ANO3: variants seen among roughly 807,000 people sequenced by gnomAD.
The protein encoded by ANO3 is anoctamin 3.
ANO3 carries 99 observed loss-of-function variants against 144.8 expected under a neutral mutation model. That is an observed-to-expected ratio of 0.68 (90% CI 0.58 to 0.81). The LOEUF (loss-of-function observed/expected upper bound fraction) is 0.81, where lower values mean the gene tolerates loss of function less well. Among genes scored for constraint, ANO3 ranks in the 30% least tolerant of loss-of-function variants. The pLI is 0.00. For synonymous variants in ANO3, 414 were observed against 392.6 expected (o/e 1.05, Z -0.64); for missense variants, 905 against 1,202.2 (o/e 0.75, Z 3.66).
In ANO3 at chr11:26,346,763, C is replaced by T. The variant is rs146981497; in HGVS notation, c.46+14442C>T. Among the ~76,000 whole-genome samples, 386 of 152,262 alleles carry T rather than the reference C, an allele frequency of 2.5e-3. 1 individual carries two copies. Among genetic ancestry groups the T allele is most frequent in the Non-Finnish European group, 4.3e-3 (292 of 68,012 alleles). ...AGATTTGACATCTGCTGAGGAAGATCCGCTTACATTTTCGTCAATACTCAT... is the reference window on the plus strand; with the variant it reads ...AGATTTGACATCTGCTGAGGAAGATTCGCTTACATTTTCGTCAATACTCAT... On this transcript the variant is annotated intron_variant, in intron 1 of 26. Coordinates refer to ENST00000256737, the MANE Select transcript of ANO3 (RefSeq NM_031418.4).
intron 1 of ANO3, among the ~76,000 whole-genome samples, chr11:26,345,640 T>C (rs774300015): frequency 6.6e-6 from 1 of 152,250 alleles, no homozygotes; most frequent in African/African-American, 2.4e-5. Flanking sequence ...AGTTTACTTC[T>C]ACCAAGAATA....
chr11:26,544,570 A>G (rs1338584870), intron 11 of ANO3, among the ~76,000 whole-genome samples: 2 of 122,324 alleles, frequency 1.6e-5, no homozygotes, highest in Non-Finnish European at 3.5e-5. Flanking sequence ...ATGCTTGAAA[A>G]TTGCTGAGTA....
At chr11:26,488,988 A>G (rs930773373) in intron 4 of ANO3, among the ~76,000 whole-genome samples, 5 of 152,154 alleles carry the variant, frequency 3.3e-5, no homozygotes, top group African/African-American at 4.8e-5. Context: ...ATAATCCTTT[A>G]GCTAGACACA....
chr11:26,470,041 A>T (rs2134068907), intron 4 of ANO3, among the ~76,000 whole-genome samples: 1 of 152,058 alleles, frequency 6.6e-6, no homozygotes, highest in East Asian at 1.9e-4. Flanking sequence ...AGGAAGGTTC[A>T]GTACCTAAAG....
intron 1 of ANO3, among the ~76,000 whole-genome samples, chr11:26,200,863 G>A (rs901779219): frequency 6.6e-6 from 1 of 152,002 alleles, no homozygotes; most frequent in African/African-American, 2.4e-5. Flanking sequence ...TATTGAATTT[G>A]TACATGATTC....
chr11:26,312,605 G>A (rs543339993), intron 1 of ANO3, among the ~76,000 whole-genome samples: 3 of 152,166 alleles, frequency 2.0e-5, no homozygotes, highest in Non-Finnish European at 1.5e-5. Context: ...GTGATGATGA[G>A]AATTTTTTCA....
chr11:26,581,879 C>T lies in ANO3; in HGVS notation c.1448-16486C>T, dbSNP rs1265948116. ...TCCCTGTCAGAAAATTATCTTCATG[C>T]AGGGGAAACCAAGACAAAGTTCTTG... is the stretch of plus-strand genomic sequence containing the variant. On this transcript the variant is annotated intron_variant, in intron 14 of 26. Transcript: ENST00000256737. Among the ~76,000 whole-genome samples, 10 of 151,994 alleles carry T rather than the reference C, an allele frequency of 6.6e-5. 1 individual carries two copies. The highest frequency in any genetic ancestry group is 5.9e-4 in the Admixed American group (9 of 15,260).
At chr11:26,518,788 T>C (rs1049996609) in intron 6 of ANO3, among the ~76,000 whole-genome samples, 7 of 151,960 alleles carry the variant, frequency 4.6e-5, no homozygotes, top group African/African-American at 1.4e-4. Flanking sequence ...ATATAGCATA[T>C]ACAATTATTC....
chr11:26,495,104 T>C (rs11029584), intron 4 of ANO3, among the ~76,000 whole-genome samples: 3 of 150,242 alleles, frequency 2.0e-5, no homozygotes, highest in African/African-American at 7.3e-5. Context: ...TATTTATTTA[T>C]TTATTTATTT....
intron 3 of ANO3, among the ~76,000 whole-genome samples, chr11:26,457,287 A>G (rs560409242): frequency 1.1e-4 from 17 of 151,620 alleles, no homozygotes; most frequent in African/African-American, 3.6e-4. Flanking sequence ...AACTTATAGT[A>G]TAATAAAAGA....
upstream of ANO3, among the ~76,000 whole-genome samples, chr11:26,329,837 G>C (rs892890122): frequency 6.7e-6 from 1 of 149,922 alleles, no homozygotes; most frequent in African/African-American, 2.4e-5. Context: ...TTTTGAGACG[G>C]AGTCTCGCTC....
intron 1 of ANO3, among the ~76,000 whole-genome samples, chr11:26,197,857 A>G (rs1408336424): frequency 6.6e-6 from 1 of 152,016 alleles, no homozygotes; most frequent in Admixed American, 6.6e-5. Context: ...TTCCCTAATG[A>G]ATATAACATT....
At chr11:26,282,556 T>A (rs564690445) in intron 1 of ANO3, among the ~76,000 whole-genome samples, 2 of 152,278 alleles carry the variant, frequency 1.3e-5, no homozygotes, top group South Asian at 4.1e-4. Context: ...AAAGATAAGA[T>A]TTTTTTAATT....
intron 1 of ANO3, among the ~76,000 whole-genome samples, chr11:26,288,546 T>C (rs1853861853): frequency 6.6e-6 from 1 of 152,176 alleles, no homozygotes; most frequent in African/African-American, 2.4e-5. Flanking sequence ...TTAGCTTCAA[T>C]GATAATGAAC....
At chr11:26,621,337 G>C (rs1171431045) in intron 17 of ANO3, among the ~76,000 whole-genome samples, 4 of 152,064 alleles carry the variant, frequency 2.6e-5, no homozygotes, top group Non-Finnish European at 5.9e-5. Flanking sequence ...TCTTATTGCT[G>C]CCACTCCTTT....
chr11:26,257,734 G>C (rs1853092598), intron 1 of ANO3, among the ~76,000 whole-genome samples: 1 of 151,708 alleles, frequency 6.6e-6, no homozygotes, highest in Admixed American at 6.6e-5. Flanking sequence ...ACTCTATATA[G>C]AAAGACATAA....
In ANO3 at chr11:26,543,046, C is replaced by G. The variant is rs144869585; in HGVS notation, c.1154+978C>G. On this transcript the variant is annotated intron_variant, in intron 11 of 26. Transcript: ENST00000256737. ...AAGCCAGGGTCAAGGGAGACAGTGA[C>G]GGATGAGGAAGCTCCCAGGGACCAG... Among the ~76,000 whole-genome samples, 132 of 152,130 alleles carry G rather than the reference C, an allele frequency of 8.7e-4. No individual in the cohort carries two copies. In the Middle Eastern group the frequency reaches 0.027, roughly 31 times the overall value.
intron 1 of ANO3, among the ~76,000 whole-genome samples, chr11:26,193,634 A>G (rs969431007): frequency 6.6e-6 from 1 of 152,216 alleles, no homozygotes; most frequent in Non-Finnish European, 1.5e-5. Flanking sequence ...TTCCTTCAGT[A>G]TGAGCAGAAA....
intron 14 of ANO3, among the ~76,000 whole-genome samples, chr11:26,593,345 A>G (rs2132901943): frequency 6.6e-6 from 1 of 152,274 alleles, no homozygotes; most frequent in East Asian, 1.9e-4. Flanking sequence ...TTAGAAAGGC[A>G]TGTGAAAAGA....
Sources: gnomAD v4.1 joint callset for allele counts (sites outside exome capture counted in the v4.1 genomes callset) on GRCh38, gnomAD v4.1.1 for gene constraint, MANE v1.5 for transcripts, NCBI Gene and HGNC (gene_info 2026-07-23, HGNC 2026-07-21) for gene names.